LRP1B: variants seen among roughly 807,000 people sequenced by gnomAD.
LRP1B encodes the protein low-density lipoprotein receptor-related protein 1B.
Under a neutral mutation model 556.6 loss-of-function variants are expected in LRP1B, and 217 were observed. The ratio of observed to expected loss-of-function variants is 0.39; its 90% CI spans 0.35 to 0.44. The LOEUF (loss-of-function observed/expected upper bound fraction) is 0.44. Ranked by LOEUF, LRP1B falls within the 20% of genes least tolerant of loss-of-function variation. The probability of loss-of-function intolerance (pLI) is 1.00; values close to 1 mark genes in which losing one functional copy is unlikely to be tolerated. For synonymous variants in LRP1B, 2,047 were observed against 1,865.8 expected (o/e 1.10, Z -2.50); for missense variants, 5,053 against 5,620.8 (o/e 0.90, Z 3.23).
At chr2:142,053,500 A>T (rs1704546322) in intron 1 of LRP1B, among the ~76,000 whole-genome samples, 1 of 151,978 alleles carries the variant, frequency 6.6e-6, no homozygotes, top group African/African-American at 2.4e-5. Context: ...ATATACACAC[A>T]TGTAAAGATT....
chr2:140,936,792 A>G (rs1466385035), intron 20 of LRP1B, among the ~76,000 whole-genome samples: 1 of 152,134 alleles, frequency 6.6e-6, no homozygotes, highest in Non-Finnish European at 1.5e-5. Context: ...AATTTAAAAG[A>G]TTAATGTGTT....
intron 66 of LRP1B, among the ~76,000 whole-genome samples, chr2:140,399,669 T>G (rs1684409949): frequency 1.3e-5 from 2 of 152,194 alleles, no homozygotes; most frequent in African/African-American, 4.8e-5. Flanking sequence ...CATTTTTTAT[T>G]TTCATTTGTA....
In LRP1B at chr2:140,495,744, T is replaced by G. The variant is rs554725968; in HGVS notation, c.8855A>C (p.Lys2952Thr). Residue 2952 changes from lysine (K) to threonine (T), a missense_variant, in exon 56 of 91, where the codon AAA (lysine) becomes ACA (threonine). Coordinates refer to ENST00000389484, the MANE Select transcript of LRP1B (RefSeq NM_018557.3). Reference protein sequence around the residue: ...CQDLPVSYKCKCWPGFQLKDD... With the variant: ...CQDLPVSYKCTCWPGFQLKDD... Reference sequence around the variant, plus strand: ...CTTCAGTTGGAATCCAGGCCAGCATTTGCACTGGGAAAAGAAAAATGAGCA... The same window carrying G: ...CTTCAGTTGGAATCCAGGCCAGCATGTGCACTGGGAAAAGAAAAATGAGCA... 1 of 1,601,296 alleles carries G rather than the reference T, an allele frequency of 6.2e-7. No individual in the cohort carries two copies. The highest frequency in any genetic ancestry group is 1.7e-5 in the Admixed American group (1 of 59,790).
intron 2 of LRP1B, among the ~76,000 whole-genome samples, chr2:141,635,543 T>C (rs1689082496): frequency 6.6e-6 from 1 of 152,186 alleles, no homozygotes; most frequent in African/African-American, 2.4e-5. Flanking sequence ...TTCCATGTGC[T>C]TATAAATATG....
chr2:141,421,669 A>G (rs970937306), intron 3 of LRP1B, among the ~76,000 whole-genome samples: 4 of 152,234 alleles, frequency 2.6e-5, no homozygotes, highest in African/African-American at 9.6e-5. Context: ...TACTATTAGA[A>G]TCTTTCAAAC....
chr2:140,466,387 C>T (rs1278060416), intron 60 of LRP1B, among the ~76,000 whole-genome samples: 2 of 152,038 alleles, frequency 1.3e-5, no homozygotes, highest in East Asian at 3.9e-4. Context: ...AATCCAAACA[C>T]AGAACTGCCC....
intron 2 of LRP1B, among the ~76,000 whole-genome samples, chr2:141,626,755 T>A (rs986220425): frequency 3.3e-5 from 5 of 152,202 alleles, no homozygotes; most frequent in Non-Finnish European, 7.4e-5. Context: ...AAGTTGCTAC[T>A]AAACATCTAT....
chr2:141,938,640 C>T (rs1558973753), intron 1 of LRP1B, among the ~76,000 whole-genome samples: 1 of 152,084 alleles, frequency 6.6e-6, no homozygotes, highest in African/African-American at 2.4e-5. Flanking sequence ...TCTGCACTCC[C>T]ATGTCCATTA....
At chr2:142,056,755 T>G (rs1559046845) in intron 1 of LRP1B, among the ~76,000 whole-genome samples, 1 of 26,860 alleles carries the variant, frequency 3.7e-5, no homozygotes, top group African/African-American at 7.0e-5. Flanking sequence ...AATCAGCTGT[T>G]GTTTAATTTA....
chr2:140,858,664 A>G (rs1692693699), intron 27 of LRP1B, among the ~76,000 whole-genome samples: 1 of 152,016 alleles, frequency 6.6e-6, no homozygotes. Flanking sequence ...GGTTTGCTGC[A>G]CAGATCAACC....
At chr2:140,989,795 A>G (rs1697035922) in intron 16 of LRP1B, 138 bp from the exon 17 acceptor site, 2 of 709,956 alleles carry the variant, frequency 2.8e-6, no homozygotes, top group Admixed American at 2.9e-5. Flanking sequence ...TCATTGCCTT[A>G]TATTTAATAG....
At chr2:141,580,305 C>T (rs1290697551) in intron 2 of LRP1B, among the ~76,000 whole-genome samples, 2 of 152,152 alleles carry the variant, frequency 1.3e-5, no homozygotes, top group African/African-American at 4.8e-5. Context: ...AGATTACAAA[C>T]TCATTGATGA....
intron 17 of LRP1B, among the ~76,000 whole-genome samples, chr2:140,983,734 GA>G (rs1318147577): frequency 6.6e-6 from 1 of 151,962 alleles, no homozygotes; most frequent in African/African-American, 2.4e-5. Flanking sequence ...TCTAAAATTA[GA>G]AATATCAGGA....
intron 66 of LRP1B, among the ~76,000 whole-genome samples, chr2:140,424,383 T>A (rs1324444628): frequency 2.0e-5 from 3 of 152,178 alleles, no homozygotes; most frequent in African/African-American, 7.2e-5. Flanking sequence ...TCCTATAAGG[T>A]CACTTGCCAT....
chr2:140,608,395 C>G (rs1351874447), intron 41 of LRP1B, among the ~76,000 whole-genome samples: 1 of 152,162 alleles, frequency 6.6e-6, no homozygotes, highest in Non-Finnish European at 1.5e-5. Context: ...GTAGCCAAGG[C>G]ATTGTAATAA....
chr2:140,583,727 A>T (rs529905079), intron 43 of LRP1B, among the ~76,000 whole-genome samples: 1 of 152,128 alleles, frequency 6.6e-6, no homozygotes, highest in Non-Finnish European at 1.5e-5. Flanking sequence ...TGACTTATTT[A>T]TTATTATGTG....
intron 82 of LRP1B, 92 bp from the exon 83 acceptor site, chr2:140,315,191 T>A: frequency 1.2e-6 from 1 of 828,768 alleles, no homozygotes; most frequent in Non-Finnish European, 1.8e-6. Context: ...AATACTAGGA[T>A]CTTGTGTTTC....
At chr2:141,949,165 C>T (rs1244888582) in intron 1 of LRP1B, among the ~76,000 whole-genome samples, 1 of 152,084 alleles carries the variant, frequency 6.6e-6, no homozygotes, top group Non-Finnish European at 1.5e-5. Flanking sequence ...ATATTGGTAT[C>T]TAAGTATCCA....
intron 2 of LRP1B, among the ~76,000 whole-genome samples, chr2:141,626,244 C>T (rs1025400017): frequency 2.0e-5 from 3 of 152,150 alleles, no homozygotes; most frequent in African/African-American, 7.2e-5. Flanking sequence ...GATGCTGGAA[C>T]AATTGGAATC....
Sources: allele counts gnomAD v4.1 joint callset (sites outside exome capture counted in the v4.1 genomes callset), GRCh38; gene constraint gnomAD v4.1.1; transcripts MANE v1.5; gene names NCBI Gene and HGNC (gene_info 2026-07-23, HGNC 2026-07-21).